The following WAC variants were observed in gnomAD, a reference collection of about 807,000 sequenced individuals.
WAC encodes WW domain-containing adapter protein with coiled-coil.
A neutral mutation model predicts 79.6 loss-of-function variants in WAC; 11 were observed. That is an observed-to-expected ratio of 0.14 (90% CI 0.09 to 0.23). The LOEUF is 0.23. Ranked by LOEUF, WAC falls within the 10% of genes least tolerant of loss-of-function variation. The pLI is 1.00. For missense variants in WAC, 728 were observed against 773.5 expected (o/e 0.94, Z 0.70); for synonymous variants, 304 against 276.9 (o/e 1.10, Z -0.97).
intron 3 of WAC, among the ~76,000 whole-genome samples, chr10:28,580,249 A>G (rs1169171318): frequency 6.6e-6 from 1 of 152,118 alleles, no homozygotes; most frequent in African/African-American, 2.4e-5. Flanking sequence ...GTTAGTTGGT[A>G]ACTTCTGTCA....
chr10:28,575,525 C>G (rs1017029292), intron 3 of WAC, among the ~76,000 whole-genome samples: 5 of 152,196 alleles, frequency 3.3e-5, no homozygotes, highest in African/African-American at 1.2e-4. Flanking sequence ...TATAGCTATT[C>G]TAGTGGGTGT....
intron 3 of WAC, among the ~76,000 whole-genome samples, chr10:28,570,150 C>T (rs332139): frequency 0.84 from 127,353 of 152,224 alleles, 53,404 homozygotes; most frequent in East Asian, 0.94. Flanking sequence ...TGCTGTAATA[C>T]GCTACCTTTT....
At chr10:28,534,204 C>T in intron 2 of WAC, 170 bp downstream of exon 2, 2 of 572,384 alleles carry the variant, frequency 3.5e-6, no homozygotes, top group Non-Finnish European at 5.8e-6. Flanking sequence ...TTAGCGCTCT[C>T]CAGCAAGGTT....
At chr10:28,576,165 A>C (rs113564444) in intron 3 of WAC, among the ~76,000 whole-genome samples, 3 of 152,316 alleles carry the variant, frequency 2.0e-5, no homozygotes, top group Admixed American at 6.5e-5. Context: ...GCAGCACATG[A>C]CTGTATGGTA....
intron 8 of WAC, among the ~76,000 whole-genome samples, chr10:28,610,245 C>T (rs558741505): frequency 1.3e-5 from 2 of 152,088 alleles, no homozygotes; most frequent in East Asian, 1.9e-4. Flanking sequence ...TTTTTGTATC[C>T]ATTTTTAGAT....
intron 3 of WAC, among the ~76,000 whole-genome samples, chr10:28,548,200 A>G (rs1332416019): frequency 1.3e-5 from 2 of 152,038 alleles, no homozygotes. Context: ...TGGGATTTAC[A>G]GGAGTGAGCC....
At chr10:28,537,173 T>C (rs568462705) in intron 3 of WAC, among the ~76,000 whole-genome samples, 1 of 152,362 alleles carries the variant, frequency 6.6e-6, no homozygotes, top group East Asian at 1.9e-4. Flanking sequence ...GTGCTATTTA[T>C]GCAGATAAAC....
chr10:28,535,623 G>A lies in WAC; in HGVS notation c.140G>A (p.Arg47Gln), dbSNP rs374821442. The A allele has an allele frequency of 3.3e-5, 53 of 1,614,002 alleles. 1 individual carries two copies. Among genetic ancestry groups the A allele is most frequent in the South Asian group, 3.1e-4 (28 of 91,086 alleles). The change falls in exon 3 of 14, where the codon CGA becomes CAA. Residue 47 changes from arginine to glutamine, a missense_variant. Arg to Gln is a conservative substitution (Grantham distance 43, BLOSUM62 1). This residue lies in a region of WAC where 648 missense variants were observed against 661.5 expected (regional missense o/e 0.98). Transcript: ENST00000354911. ...SSGDHRHEKM[R>Q]DAGDPSPPNK... Reference sequence around the variant, plus strand: ...GGTGATCACAGACATGAAAAGATGCGAGACGCCGGAGATCCTTCACCACCA... The same window carrying A: ...GGTGATCACAGACATGAAAAGATGCAAGACGCCGGAGATCCTTCACCACCA...
upstream of WAC, chr10:28,533,067 G>C (rs547035923): frequency 6.4e-6 from 1 of 155,336 alleles, no homozygotes; most frequent in Admixed American, 6.5e-5. Context: ...GAGGGTGGGA[G>C]AGGAGGGGCC....
At chr10:28,614,494 C>T (rs890716063) in intron 10 of WAC, 73 bp from the exon 11 acceptor site, 26 of 897,540 alleles carry the variant, frequency 2.9e-5, no homozygotes, top group Admixed American at 7.4e-5. Flanking sequence ...TGTTTCAAGA[C>T]GATTACCTAG....
At chr10:28,543,950 C>T (rs1284882200) in intron 3 of WAC, among the ~76,000 whole-genome samples, 5 of 152,116 alleles carry the variant, frequency 3.3e-5, no homozygotes, top group South Asian at 2.1e-4. Flanking sequence ...AGTGCAGTGG[C>T]GCAATCTTTG....
intron 3 of WAC, among the ~76,000 whole-genome samples, chr10:28,554,032 A>T (rs1837848812): frequency 1.3e-5 from 2 of 151,926 alleles, no homozygotes; most frequent in South Asian, 2.1e-4. Context: ...ACGCCTGGCT[A>T]ATTTTTGTAT....
At chr10:28,560,387 G>A (rs183108049) in intron 3 of WAC, among the ~76,000 whole-genome samples, 12 of 152,198 alleles carry the variant, frequency 7.9e-5, no homozygotes, top group African/African-American at 2.6e-4. Flanking sequence ...TGGGGGGCAC[G>A]ATTTTAAGCC....
rs983091432 is a variant in WAC at position 28,621,199 on chromosome 10, T to G, written c.*1593T>G. 4 of 145,626 alleles carry G rather than the reference T, an allele frequency of 2.7e-5. No homozygotes were observed. Among genetic ancestry groups the G allele is most frequent in the African/African-American group, 7.7e-5 (3 of 39,188 alleles). The allele number at this position is 145,626 out of a possible 1,614,324, so 9.0% of individuals were successfully genotyped here. A position where few individuals can be genotyped will look rare whatever the true frequency, so the allele number is the denominator to read the frequency against. On this transcript the variant is annotated 3_prime_UTR_variant, in exon 14 of 14. Coordinates refer to ENST00000354911, the MANE Select transcript of WAC (RefSeq NM_016628.5). ...TCTTCTTTTTTTTCTTTAAATTGGTTTAGGGTTTTTTGGTGATTTTTTTTT... is the reference window on the plus strand; with the variant it reads ...TCTTCTTTTTTTTCTTTAAATTGGTGTAGGGTTTTTTGGTGATTTTTTTTT...
At chr10:28,588,662 A>G (rs1356352727) in intron 4 of WAC, 1 of 152,212 alleles carries the variant, frequency 6.6e-6, no homozygotes, top group Non-Finnish European at 1.5e-5. Flanking sequence ...CAGTGAACCC[A>G]GAAGGATAGG....
intron 4 of WAC, among the ~76,000 whole-genome samples, chr10:28,584,289 G>A (rs1276431944): frequency 6.6e-6 from 1 of 152,162 alleles, no homozygotes; most frequent in African/African-American, 2.4e-5. Flanking sequence ...CAGTAAAAGA[G>A]CTCTGGACTT....
chr10:28,589,717 T>TA lies in WAC; in HGVS notation c.382-13dup. On this transcript the variant is annotated intron_variant, in intron 4 of 13. Coordinates refer to ENST00000354911, the MANE Select transcript of WAC (RefSeq NM_016628.5). Reference sequence around the variant, plus strand: ...AAATAGTATTAACATTTTCTAATTGTAAAAAATATATTTTTAAGCCTTATG... The same window carrying TA: ...AAATAGTATTAACATTTTCTAATTGTAAAAAAATATATTTTTAAGCCTTATG... The TA allele has an allele frequency of 6.6e-7, 1 of 1,506,790 alleles. No homozygotes were observed. Among genetic ancestry groups the TA allele is most frequent in the South Asian group, 1.2e-5 (1 of 84,326 alleles). The allele number at this position is 1,506,790 out of a possible 1,614,324, so 93.3% of individuals were successfully genotyped here. A position where few individuals can be genotyped will look rare whatever the true frequency, so the allele number is the denominator to read the frequency against.
At position 28,610,833 on chromosome 10, in the gene WAC, C is replaced by T. The variant is rs1309805645; in HGVS notation, c.1288+12C>T. ...GCTCTCTACACAAGGTATTCTTACT[C>T]ATCTTAGATATCTCTAGAATGGCAT... On this transcript the variant is annotated intron_variant, in intron 9 of 13. Coordinates refer to ENST00000354911, the MANE Select transcript of WAC (RefSeq NM_016628.5). The T allele has an allele frequency of 4.4e-6, 7 of 1,587,544 alleles. No homozygotes were observed. Among genetic ancestry groups the T allele is most frequent in the Non-Finnish European group, 6.0e-6 (7 of 1,171,928 alleles).
chr10:28,586,244 A>G (rs1381014376), intron 4 of WAC, among the ~76,000 whole-genome samples: 1 of 152,180 alleles, frequency 6.6e-6, no homozygotes, highest in African/African-American at 2.4e-5. Context: ...TTTTATTTTC[A>G]GTATCAGATT....
Sources: allele counts gnomAD v4.1 joint callset (sites outside exome capture counted in the v4.1 genomes callset), GRCh38; gene constraint gnomAD v4.1.1; regional missense constraint gnomAD v4.1.1; transcripts MANE v1.5; gene names NCBI Gene and HGNC (gene_info 2026-07-23, HGNC 2026-07-21).